INO80D: variants seen among roughly 807,000 people sequenced by gnomAD.
The protein encoded by INO80D is INO80 complex subunit D.
INO80D carries 21 observed loss-of-function variants against 87.6 expected under a neutral mutation model. The observed-to-expected ratio is 0.24, with a 90% CI of 0.17 to 0.35. The LOEUF (loss-of-function observed/expected upper bound fraction) is 0.35. INO80D is among the 10% of genes least tolerant of loss of function. The probability of loss-of-function intolerance (pLI) is 1.00; values close to 1 mark genes in which losing one functional copy is unlikely to be tolerated. For missense variants in INO80D, 982 were observed against 1,280.7 expected (o/e 0.77, Z 3.56); for synonymous variants, 440 against 491.0 (o/e 0.90, Z 1.37).
chr2:206,022,888 G>T (rs910707762), intron 6 of INO80D, among the ~76,000 whole-genome samples: 1 of 151,972 alleles, frequency 6.6e-6, no homozygotes, highest in Non-Finnish European at 1.5e-5. Flanking sequence ...CACCATGCCT[G>T]GCCAACGAAC....
rs767287362 is a variant in INO80D at position 206,056,509 on chromosome 2, G to T, written c.653C>A (p.Ser218Tyr). 1 of 1,613,570 alleles carries T rather than the reference G, an allele frequency of 6.2e-7. No individual in the cohort carries two copies. Among genetic ancestry groups the T allele is most frequent in the Non-Finnish European group, 8.5e-7 (1 of 1,179,686 alleles). The change falls in exon 4 of 11, where the codon TCT (serine) becomes TAT (tyrosine). Residue 218 changes from serine (S) to tyrosine (Y), a missense_variant. By Grantham distance (144) the Ser-to-Tyr change is moderately radical. Coordinates refer to ENST00000403263, the MANE Select transcript of INO80D (RefSeq NM_017759.5). ...CTGCGGTGGCGCTGGAGGTTTTAAA[G>T]AAGTAGATAAAGGTGACAGGTGGGA... is the stretch of plus-strand genomic sequence containing the variant. ...QHSHLSPLST[S>Y]LKPPAPPQGS...
chr2:206,069,973 C>A (rs1689917412), intron 1 of INO80D, among the ~76,000 whole-genome samples: 1 of 152,126 alleles, frequency 6.6e-6, no homozygotes, highest in South Asian at 2.1e-4. Context: ...CACGATTTTT[C>A]TATTTGAAAA....
chr2:206,038,261 C>A (rs1161445784), intron 5 of INO80D, among the ~76,000 whole-genome samples: 1 of 152,132 alleles, frequency 6.6e-6, no homozygotes, highest in African/African-American at 2.4e-5. Context: ...TACTAGTCAT[C>A]TGTTGTATTC....
At chr2:206,053,496 C>CTT (rs2105877344) in intron 4 of INO80D, among the ~76,000 whole-genome samples, 1 of 151,932 alleles carries the variant, frequency 6.6e-6, no homozygotes, top group Non-Finnish European at 1.5e-5. Context: ...AATTTTTTAA[C>CTT]TTTTGTATTT....
chr2:206,061,559 C>G (rs1406610739), intron 3 of INO80D, among the ~76,000 whole-genome samples: 1 of 152,204 alleles, frequency 6.6e-6, no homozygotes, highest in Non-Finnish European at 1.5e-5. Flanking sequence ...ACATACATCC[C>G]TTTCTCACCT....
rs1250891633 is a variant in INO80D at position 206,009,909 on chromosome 2, T to C, written c.1543-115A>G. 5 of 743,722 alleles carry C rather than the reference T, an allele frequency of 6.7e-6. No individual in the cohort carries two copies. The African/African-American group carries it at 8.9e-5, about 13-fold the overall frequency. 46.1% of individuals were successfully genotyped at this position (743,722 alleles called of 1,614,324 possible). On this transcript the variant is annotated intron_variant, in intron 8 of 10. Coordinates refer to ENST00000403263, the MANE Select transcript of INO80D (RefSeq NM_017759.5). ...TATATAATGCCTAAAACATACTGGA[T>C]GCCCAAAACTATGTATAACAATAAT...
At position 206,056,379 on chromosome 2, in the gene INO80D, C is replaced by T. The variant is rs1490299117; in HGVS notation, c.783G>A (p.Lys261=). ...TIAQARQLSH[K]RPLPLLPSSR... ...TGGATGGCAGGAGGGGCAGAGGCCTCTTGTGAGACAACTGCCGTGCTTGTG... is the reference window on the plus strand; with the variant it reads ...TGGATGGCAGGAGGGGCAGAGGCCTTTTGTGAGACAACTGCCGTGCTTGTG... Residue 261 remains lysine (K), a synonymous_variant, in exon 4 of 11, where the codon AAG becomes AAA. Coordinates refer to ENST00000403263, the MANE Select transcript of INO80D (RefSeq NM_017759.5). 1 of 1,613,838 alleles carries T rather than the reference C, an allele frequency of 6.2e-7. No homozygotes were observed. Among genetic ancestry groups the T allele is most frequent in the Admixed American group, 1.7e-5 (1 of 59,998 alleles).
At position 206,017,770 on chromosome 2, in the gene INO80D, T is replaced by C. The variant is rs1472536877; in HGVS notation, c.1452A>G (p.Thr484=). 1.9e-6 allele frequency: 3 copies of C among 1,613,640 alleles called. No individual in the cohort carries two copies. The highest frequency in any genetic ancestry group is 1.3e-5 in the African/African-American group (1 of 74,934). The change falls in exon 8 of 11, where the codon ACA becomes ACG. Residue 484 remains threonine, a synonymous_variant. Transcript: ENST00000403263. ...NHSQQLFSSC[T]AKFADGQQCS... is the part of the protein sequence containing the mutation. ...ACTGCTGTCCATCTGCAAACTTGGC[T>C]GTGCAACTTGAGAAGAGCTGCTGAG...
chr2:206,063,322 T>A (rs1268874703), intron 1 of INO80D, 78 bp from the exon 2 acceptor site: 6 of 504,478 alleles, frequency 1.2e-5, no homozygotes, highest in Non-Finnish European at 3.4e-6. Flanking sequence ...AATACTAAGA[T>A]ATCACCCTTA....
At chr2:206,035,098 C>T (rs558021269) in intron 5 of INO80D, among the ~76,000 whole-genome samples, 7 of 151,970 alleles carry the variant, frequency 4.6e-5, no homozygotes, top group Admixed American at 2.6e-4. Flanking sequence ...ATGGATGACA[C>T]GAACAAATGG....
In INO80D at chr2:206,001,124, G is replaced by A. The variant is rs186244286; in HGVS notation, c.*3244C>T. The A allele has an allele frequency of 6.6e-6, 1 of 152,278 alleles. No homozygotes were observed. Among genetic ancestry groups the A allele is most frequent in the Admixed American group, 6.5e-5 (1 of 15,292 alleles). 9.4% of individuals were successfully genotyped at this position (152,278 alleles called of 1,614,324 possible). A position where few individuals can be genotyped will look rare whatever the true frequency, so the allele number is the denominator to read the frequency against. ...TACTAGCTACATAACCTACCCAGATGTGCAAATTGCTAAGCCATTTTTACA... is the reference window on the plus strand; with the variant it reads ...TACTAGCTACATAACCTACCCAGATATGCAAATTGCTAAGCCATTTTTACA... On this transcript the variant is annotated 3_prime_UTR_variant, in exon 11 of 11. Coordinates refer to ENST00000403263, the MANE Select transcript of INO80D (RefSeq NM_017759.5).
At chr2:206,012,362 A>G (rs754578542) in intron 8 of INO80D, among the ~76,000 whole-genome samples, 1 of 152,168 alleles carries the variant, frequency 6.6e-6, no homozygotes, top group Non-Finnish European at 1.5e-5. Flanking sequence ...TGTACACTCA[A>G]AAGTGAATTC....
intron 7 of INO80D, among the ~76,000 whole-genome samples, chr2:206,018,262 A>T (rs1030014220): frequency 2.6e-5 from 4 of 152,208 alleles, no homozygotes; most frequent in Non-Finnish European, 5.9e-5. Flanking sequence ...CTCCTGTCTC[A>T]GCCTCCCGAG....
At chr2:206,022,458 G>A (rs966885802) in intron 6 of INO80D, among the ~76,000 whole-genome samples, 1 of 152,046 alleles carries the variant, frequency 6.6e-6, no homozygotes, top group Non-Finnish European at 1.5e-5. Context: ...CAAACAAAGG[G>A]AATTACCAAA....
chr2:206,082,562 C>G (rs1186192910), intron 1 of INO80D, among the ~76,000 whole-genome samples: 1 of 152,184 alleles, frequency 6.6e-6, no homozygotes, highest in Non-Finnish European at 1.5e-5. Context: ...TAGCACAGAG[C>G]TGCATGTGTA....
At chr2:206,047,642 G>A (rs1013976133) in intron 4 of INO80D, among the ~76,000 whole-genome samples, 2 of 151,680 alleles carry the variant, frequency 1.3e-5, no homozygotes, top group African/African-American at 4.8e-5. Context: ...ACCTGCTTCT[G>A]AATGGTTTTA....
At chr2:206,075,812 G>A (rs962206157) in intron 1 of INO80D, among the ~76,000 whole-genome samples, 22 of 151,716 alleles carry the variant, frequency 1.5e-4, no homozygotes, top group South Asian at 8.4e-4. Context: ...TCAGCACTTT[G>A]GGAGGCTGAG....
At chr2:206,021,492 T>A (rs1477311718) in intron 6 of INO80D, among the ~76,000 whole-genome samples, 1 of 152,232 alleles carries the variant, frequency 6.6e-6, no homozygotes, top group Non-Finnish European at 1.5e-5. Context: ...TTGTTTACAT[T>A]AAATTTAGCC....
rs1455963987 is a variant in INO80D at position 205,995,605 on chromosome 2, A to G, written c.*8763T>C. The G allele has an allele frequency of 9.9e-5, 15 of 152,176 alleles. No individual in the cohort carries two copies. Among genetic ancestry groups the G allele is most frequent in the Admixed American group, 6.5e-4 (10 of 15,272 alleles). 9.4% of individuals were successfully genotyped at this position (152,176 alleles called of 1,614,324 possible). On this transcript the variant is annotated 3_prime_UTR_variant, in exon 11 of 11. Transcript: ENST00000403263. ...TATTTCATTGCCTTTGAATATCTAT[A>G]TATCTACTCCCACAATATATACTAG...
Sources: gnomAD v4.1 joint callset for allele counts (sites outside exome capture counted in the v4.1 genomes callset) on GRCh38, gnomAD v4.1.1 for gene constraint, MANE v1.5 for transcripts, NCBI Gene and HGNC (gene_info 2026-07-23, HGNC 2026-07-21) for gene names.